LEMD3: variants seen among roughly 807,000 people sequenced by gnomAD.
LEMD3 encodes inner nuclear membrane protein Man1.
In LEMD3, 33 loss-of-function variants were observed where a neutral mutation model predicts 95.2. The observed-to-expected ratio is 0.35, with a 90% CI of 0.26 to 0.46. The LOEUF (loss-of-function observed/expected upper bound fraction) is 0.46, where lower values mean the gene tolerates loss of function less well. LEMD3 is among the 20% of genes least tolerant of loss of function. The pLI is 1.00. For synonymous variants in LEMD3, 525 were observed against 474.6 expected, an observed-to-expected ratio of 1.11 and a Z score of -1.38; for missense variants, 1,210 against 1,192.8, an observed-to-expected ratio of 1.01 and a Z score of -0.21.
chr12:65,238,616 A>G, intron 5 of LEMD3, 35 bp downstream of exon 5: 1 of 1,610,874 alleles, frequency 6.2e-7, no homozygotes, highest in Non-Finnish European at 8.5e-7. Context: ...ACCATTCTGT[A>G]CTGGGAGAAA....
At position 65,170,394 on chromosome 12, in the gene LEMD3, C is replaced by A; in HGVS notation, c.798C>A (p.Asp266Glu). 3 of 1,614,076 alleles carry A rather than the reference C, an allele frequency of 1.9e-6. No individual in the cohort carries two copies. Among genetic ancestry groups the A allele is most frequent in the Non-Finnish European group, 2.5e-6 (3 of 1,179,968 alleles). ...ENYSDSEEED[D>E]DDVASSRQVL... ...ATTCGGACTCAGAGGAAGAGGACGA[C>A]GACGACGTGGCCTCCAGCAGACAGG... is the stretch of plus-strand genomic sequence containing the variant. Residue 266 changes from aspartate to glutamate, a missense_variant, in exon 1 of 13, where the codon GAC becomes GAA. Coordinates refer to ENST00000308330, the MANE Select transcript of LEMD3 (RefSeq NM_014319.5).
intron 4 of LEMD3, among the ~76,000 whole-genome samples, chr12:65,232,736 C>T (rs1473652726): frequency 2.0e-5 from 3 of 151,978 alleles, no homozygotes; most frequent in Non-Finnish European, 2.9e-5. Flanking sequence ...TTTATATTTC[C>T]GTGAAAATAC....
intron 1 of LEMD3, among the ~76,000 whole-genome samples, chr12:65,186,631 C>CTTTT (rs36112519): frequency 1.2e-5 from 1 of 80,210 alleles, no homozygotes; most frequent in East Asian, 3.2e-4. Context: ...GTTTAGATTG[C>CTTTT]TTTTTTTTTT....
In LEMD3 at chr12:65,170,484, G is replaced by A. The variant is rs758934476; in HGVS notation, c.888G>A (p.Pro296=). 14 of 1,613,566 alleles carry A rather than the reference G, an allele frequency of 8.7e-6. No homozygotes were observed. The South Asian group carries it at 1.4e-4, about 16-fold the overall frequency. ...PRRTHSKPLP[P]LTAKSAGGRL... ...GAACCCATAGTAAGCCTCTCCCCCC[G>A]CTGACTGCTAAATCGGCCGGCGGCA... Residue 296 remains proline (P), a synonymous_variant, in exon 1 of 13, where the codon CCG becomes CCA. Transcript: ENST00000308330.
Position 65,180,989 on chromosome 12 carries a change from A to AACACACAC in LEMD3, c.1522+9885_1522+9892dup, listed in dbSNP as rs71096029. ...TCATATATATCTGAGTATGTACACA[A>AACACACAC]ACACACACACACACACACACAATTT... is the stretch of plus-strand genomic sequence containing the variant. On this transcript the variant is annotated intron_variant, in intron 1 of 12. Coordinates refer to ENST00000308330, the MANE Select transcript of LEMD3 (RefSeq NM_014319.5). 8.0e-4 allele frequency among the ~76,000 whole-genome samples: 119 copies of AACACACAC among 149,282 alleles called. 1 individual carries two copies. The highest frequency in any genetic ancestry group is 5.1e-3 in the East Asian group (26 of 5,140).
chr12:65,173,758 A>C (rs1233479562), intron 1 of LEMD3, among the ~76,000 whole-genome samples: 2 of 152,190 alleles, frequency 1.3e-5, no homozygotes, highest in Non-Finnish European at 2.9e-5. Context: ...TTTGATTTTT[A>C]TCCCATTAAA....
At chr12:65,177,840 CT>C (rs776856955) in intron 1 of LEMD3, among the ~76,000 whole-genome samples, 277 of 130,648 alleles carry the variant, frequency 2.1e-3, no homozygotes, top group East Asian at 2.9e-3. Context: ...TGCTCTCATT[CT>C]TTTTTTTTTT....
In LEMD3 at chr12:65,171,011, A is replaced by G. The variant is rs1193645614; in HGVS notation, c.1415A>G (p.Tyr472Cys). 1.9e-6 allele frequency: 3 copies of G among 1,614,214 alleles called. No homozygotes were observed. The highest frequency in any genetic ancestry group is 1.1e-5 in the South Asian group (1 of 91,090). Reference protein sequence around the residue: ...VSPTGSFSAHYLSMFLLTAAC... With the variant: ...VSPTGSFSAHCLSMFLLTAAC... ...CCAACAGGGAGTTTCAGTGCCCACTACTTGTCGATGTTTCTCTTAACTGCT... is the reference window on the plus strand; with the variant it reads ...CCAACAGGGAGTTTCAGTGCCCACTGCTTGTCGATGTTTCTCTTAACTGCT... Residue 472 changes from tyrosine (Y) to cysteine (C), a missense_variant, in exon 1 of 13, where the codon TAC (tyrosine) becomes TGC (cysteine). Coordinates refer to ENST00000308330, the MANE Select transcript of LEMD3 (RefSeq NM_014319.5).
chr12:65,238,389 TTTATG>T (rs1321529354), intron 4 of LEMD3, 108 bp from the exon 5 acceptor site: 5 of 705,640 alleles, frequency 7.1e-6, no homozygotes, highest in East Asian at 5.5e-5. Context: ...TAATGAATAT[TTTATG>T]TTATGTAGTT....
At chr12:65,203,760 C>G (rs1404117275) in intron 1 of LEMD3, among the ~76,000 whole-genome samples, 2 of 152,084 alleles carry the variant, frequency 1.3e-5, no homozygotes, top group African/African-American at 4.8e-5. Context: ...TGGATTCTTC[C>G]TTTTTTTCCT....
chr12:65,184,977 C>CT (rs1205885921), intron 1 of LEMD3, among the ~76,000 whole-genome samples: 30 of 151,528 alleles, frequency 2.0e-4, no homozygotes, highest in Admixed American at 1.5e-3. Context: ...AATTCAGATA[C>CT]TTTTTTTTTC....
At chr12:65,205,756 G>A (rs1271994039) in intron 1 of LEMD3, among the ~76,000 whole-genome samples, 1 of 152,046 alleles carries the variant, frequency 6.6e-6, no homozygotes. Flanking sequence ...ATCAATAGGT[G>A]GGATTACAAT....
chr12:65,217,183 G>C (rs1299615678), intron 3 of LEMD3, among the ~76,000 whole-genome samples: 1 of 152,174 alleles, frequency 6.6e-6, no homozygotes, highest in Non-Finnish European at 1.5e-5. Flanking sequence ...GGGTCAGATA[G>C]TGGATATTTT....
intron 3 of LEMD3, among the ~76,000 whole-genome samples, chr12:65,216,913 G>C (rs1391949198): frequency 6.6e-6 from 1 of 152,134 alleles, no homozygotes; most frequent in Non-Finnish European, 1.5e-5. Context: ...ATCGCTAAAA[G>C]CCTTCTTTGC....
intron 1 of LEMD3, among the ~76,000 whole-genome samples, chr12:65,174,201 A>G (rs983443867): frequency 6.6e-6 from 1 of 152,140 alleles, no homozygotes; most frequent in South Asian, 2.1e-4. Context: ...TTTTTCATCA[A>G]TGCCCTATTT....
chr12:65,171,446 A>C, intron 1 of LEMD3: 1 of 337,738 alleles, frequency 3.0e-6, no homozygotes, highest in Non-Finnish European at 5.7e-6. Flanking sequence ...GATGCCAGTT[A>C]CTTAACAAAT....
At chr12:65,183,929 T>C (rs1868982393) in intron 1 of LEMD3, among the ~76,000 whole-genome samples, 1 of 152,170 alleles carries the variant, frequency 6.6e-6, no homozygotes, top group Non-Finnish European at 1.5e-5. Context: ...ACATGTAGAA[T>C]GGAGAGATGG....
Position 65,238,502 on chromosome 12 carries a change from G to T in LEMD3, c.1696G>T (p.Asp566Tyr). The T allele has an allele frequency of 6.3e-7, 1 of 1,582,472 alleles. No individual in the cohort carries two copies. The highest frequency in any genetic ancestry group is 1.1e-5 in the South Asian group (1 of 90,360). ...TATTTTTCTCTATTTTTCTTGTTAGGATTTAGGTCCTGAATATGAAGGTAT... is the reference window on the plus strand; with the variant it reads ...TATTTTTCTCTATTTTTCTTGTTAGTATTTAGGTCCTGAATATGAAGGTAT... ...SVQEAAAYLK[D>Y]LGPEYEGIFN... Residue 566 changes from aspartate (D) to tyrosine (Y), a missense_variant and splice_region_variant, in exon 5 of 13, where the codon GAT (aspartate) becomes TAT (tyrosine). Asp to Tyr is a radical substitution (Grantham distance 160). Coordinates refer to ENST00000308330, the MANE Select transcript of LEMD3 (RefSeq NM_014319.5).
At chr12:65,205,151 T>C (rs917642954) in intron 1 of LEMD3, among the ~76,000 whole-genome samples, 7 of 152,098 alleles carry the variant, frequency 4.6e-5, no homozygotes, top group African/African-American at 1.7e-4. Flanking sequence ...TCAGATCTCA[T>C]GAGAACTCAC....
Sources: gnomAD v4.1 joint callset for allele counts (sites outside exome capture counted in the v4.1 genomes callset) on GRCh38, gnomAD v4.1.1 for gene constraint, MANE v1.5 for transcripts, NCBI Gene and HGNC (gene_info 2026-07-23, HGNC 2026-07-21) for gene names.